CACNA1A: variants seen among roughly 807,000 people sequenced by gnomAD.
The protein encoded by CACNA1A is voltage-dependent P/Q-type calcium channel subunit alpha-1A.
Under a neutral mutation model 262.4 loss-of-function variants are expected in CACNA1A, and 57 were observed. The observed-to-expected ratio is 0.22, with a 90% confidence interval of 0.18 to 0.27. The LOEUF (loss-of-function observed/expected upper bound fraction) is 0.27. CACNA1A is among the 10% of genes least tolerant of loss of function. The pLI is 1.00. For missense variants in CACNA1A, 2,526 were observed against 3,562.8 expected, an observed-to-expected ratio of 0.71 and a Z score of 7.41; for synonymous variants, 1,431 against 1,419.3, an observed-to-expected ratio of 1.01 and a Z score of -0.18.
At position 13,217,424 on chromosome 19, in the gene CACNA1A, G is replaced by T. The variant is rs150552510; in HGVS notation, c.5732-2816C>A. Among the ~76,000 whole-genome samples the T allele has an allele frequency of 3.0e-4, 46 of 152,306 alleles. No homozygotes were observed. In the East Asian group the frequency reaches 6.0e-3, roughly 20 times the overall value. ...TAGAAAGTGAGCTGAACTATGAAAAGAAAGCGCGTTATGTTCTCCTGAGAC... is the reference window on the plus strand; with the variant it reads ...TAGAAAGTGAGCTGAACTATGAAAATAAAGCGCGTTATGTTCTCCTGAGAC... On this transcript the variant is annotated intron_variant, in intron 38 of 46. Coordinates refer to ENST00000360228, the MANE Select transcript of CACNA1A (RefSeq NM_001127222.2).
At chr19:13,368,201 G>T (rs2059251715) in intron 4 of CACNA1A, among the ~76,000 whole-genome samples, 1 of 152,142 alleles carries the variant, frequency 6.6e-6, no homozygotes, top group Non-Finnish European at 1.5e-5. Context: ...TGGAGTCCCA[G>T]CTATTTGGGA....
chr19:13,489,739 C>G (rs1202342981), intron 1 of CACNA1A, among the ~76,000 whole-genome samples: 1 of 152,204 alleles, frequency 6.6e-6, no homozygotes, highest in Admixed American at 6.5e-5. Flanking sequence ...CCCAACGAAT[C>G]CCTGCTTCAC....
intron 1 of CACNA1A, among the ~76,000 whole-genome samples, chr19:13,466,840 G>A (rs1389413170): frequency 2.0e-5 from 3 of 151,398 alleles, no homozygotes; most frequent in Non-Finnish European, 2.9e-5. Context: ...GATATGGACG[G>A]TTTTCAAGAG....
intron 3 of CACNA1A, among the ~76,000 whole-genome samples, chr19:13,394,279 C>T (rs543078910): frequency 7.2e-5 from 11 of 152,092 alleles, no homozygotes; most frequent in Non-Finnish European, 5.9e-5. Flanking sequence ...AGCCCATGTC[C>T]TGCTCAATTC....
intron 3 of CACNA1A, among the ~76,000 whole-genome samples, chr19:13,402,139 G>T (rs1336543586): frequency 2.0e-5 from 3 of 152,180 alleles, no homozygotes; most frequent in African/African-American, 7.2e-5. Flanking sequence ...TTCAACATCT[G>T]ACCAGCTTCA....
intron 10 of CACNA1A, among the ~76,000 whole-genome samples, chr19:13,318,622 G>A (rs994477093): frequency 2.0e-5 from 3 of 152,112 alleles, no homozygotes; most frequent in Admixed American, 6.6e-5. Context: ...AAGTGATGAT[G>A]ATGATGGATG....
chr19:13,379,651 C>A (rs1008637491), intron 3 of CACNA1A, among the ~76,000 whole-genome samples: 1 of 152,070 alleles, frequency 6.6e-6, no homozygotes, highest in Non-Finnish European at 1.5e-5. Context: ...CAGGGCCGGG[C>A]GCGGTGGCTC....
rs754477120 is a variant in CACNA1A, at chr19:13,212,589, G to A, written c.6050+42C>T. 1.9e-5 allele frequency: 28 copies of A among 1,510,152 alleles called. No individual in the cohort carries two copies. The highest frequency in any genetic ancestry group is 5.2e-5 in the South Asian group (4 of 76,600). 93.5% of individuals were successfully genotyped at this position (1,510,152 alleles called of 1,614,324 possible). A position where few individuals can be genotyped will look rare whatever the true frequency, so the allele number is the denominator to read the frequency against. On this transcript the variant is annotated intron_variant, in intron 41 of 46. Transcript: ENST00000360228. This position sits in a 1 kb window ranked among gnomAD's most constrained non-coding sequence, Gnocchi z 5.6. ...GCAGCTTCCAGAACGTGGGGACCACGGCACCCCCACACTCCACCTCCCTGG... is the reference window on the plus strand; with the variant it reads ...GCAGCTTCCAGAACGTGGGGACCACAGCACCCCCACACTCCACCTCCCTGG...
At chr19:13,429,031 AC>A (rs1051562306) in intron 3 of CACNA1A, among the ~76,000 whole-genome samples, 29 of 151,324 alleles carry the variant, frequency 1.9e-4, no homozygotes, top group Non-Finnish European at 3.4e-4. Flanking sequence ...TCCCCCCACC[AC>A]CTTGACCCTC....
At chr19:13,294,487 C>CATTTTTTTTT (rs1555754927) in intron 19 of CACNA1A, among the ~76,000 whole-genome samples, 1 of 72,556 alleles carries the variant, frequency 1.4e-5, no homozygotes, top group African/African-American at 6.5e-5. Flanking sequence ...CTGTACCTGG[C>CATTTTTTTTT]TTTTTTTTTT....
At chr19:13,386,444 G>T (rs771489374) in intron 3 of CACNA1A, among the ~76,000 whole-genome samples, 2 of 152,026 alleles carry the variant, frequency 1.3e-5, no homozygotes, top group Non-Finnish European at 2.9e-5. Context: ...TTCTTTGGCC[G>T]GATGCTTTTG....
At chr19:13,377,200 G>C (rs1407963744) in intron 3 of CACNA1A, among the ~76,000 whole-genome samples, 1 of 151,204 alleles carries the variant, frequency 6.6e-6, no homozygotes, top group Non-Finnish European at 1.5e-5. Flanking sequence ...GACCTCAGGT[G>C]ATCCACACGC....
chr19:13,464,769 C>T (rs867629494), intron 1 of CACNA1A, among the ~76,000 whole-genome samples: 5 of 151,596 alleles, frequency 3.3e-5, no homozygotes, highest in East Asian at 3.9e-4. Context: ...AGGGTGGTCT[C>T]GATCTCCTGA....
At chr19:13,224,557 T>A in intron 38 of CACNA1A, 110 bp downstream of exon 38, 1 of 653,802 alleles carries the variant, frequency 1.5e-6, no homozygotes, top group Non-Finnish European at 2.7e-6. Flanking sequence ...AATGGAAGAG[T>A]GAATGAAGAT....
At chr19:13,431,101 A>G (rs558396096) in intron 3 of CACNA1A, among the ~76,000 whole-genome samples, 1 of 151,796 alleles carries the variant, frequency 6.6e-6, no homozygotes, top group Non-Finnish European at 1.5e-5. Flanking sequence ...CCCTGTGAGG[A>G]GAATTTGGGC....
At chr19:13,262,641 A>T (rs2056762532) in intron 25 of CACNA1A, 93 bp downstream of exon 25, 2 of 745,936 alleles carry the variant, frequency 2.7e-6, no homozygotes, top group East Asian at 5.4e-5. Flanking sequence ...ACCTCCTTTA[A>T]TGTGTTGTCC....
intron 1 of CACNA1A, among the ~76,000 whole-genome samples, chr19:13,497,500 AAAAAAAAAAAAAAAAAAAAAAATAT>A (rs1302546683): frequency 3.0e-5 from 1 of 32,912 alleles, no homozygotes. Context: ...AAAAAAAAAA[AAAAAAAAAAAAAAAAAAAAAAATAT>A]ATATATATAT....
rs750633069 is a variant in CACNA1A, at chr19:13,235,610, T to G, written c.5067+4A>C. ...CTGGGCCAGCAGCAGGGACGAGGAC[T>G]CACCTTGAAGGACTGCACAAAGGTC... On this transcript the variant is annotated splice_donor_region_variant and intron_variant, in intron 32 of 46. Coordinates refer to ENST00000360228, the MANE Select transcript of CACNA1A (RefSeq NM_001127222.2). The G allele has an allele frequency of 2.5e-6, 4 of 1,599,246 alleles. No homozygotes were observed. The South Asian group carries it at 4.4e-5, about 18-fold the overall frequency.
intron 24 of CACNA1A, chr19:13,272,682 C>CAGAGAGAGGGAAGA (rs1393301614): frequency 2.6e-4 from 38 of 144,100 alleles, no homozygotes; most frequent in Non-Finnish European, 1.0e-4. Context: ...CAGAAAGAGA[C>CAGAGAGAGGGAAGA]AGAGAGAGGG....
Sources: allele counts gnomAD v4.1 joint callset (sites outside exome capture counted in the v4.1 genomes callset), GRCh38; gene constraint gnomAD v4.1.1; non-coding constraint Gnocchi (gnomAD v3.1); transcripts MANE v1.5; gene names NCBI Gene and HGNC (gene_info 2026-07-23, HGNC 2026-07-21).